ATP10A: variants seen among roughly 807,000 people sequenced by gnomAD.
The protein encoded by ATP10A is ATPase phospholipid transporting 10A (putative).
ATP10A carries 111 observed loss-of-function variants against 147.8 expected under a neutral mutation model. The ratio of observed to expected loss-of-function variants is 0.75; its 90% confidence interval spans 0.64 to 0.88. ATP10A has a LOEUF of 0.88. Ranked by LOEUF, ATP10A falls within the 40% of genes least tolerant of loss-of-function variation. The pLI is 0.00. For missense variants in ATP10A, 1,927 were observed against 1,959.0 expected (o/e 0.98, Z 0.31); for synonymous variants, 875 against 841.6 (o/e 1.04, Z -0.69).
At position 25,690,232 on chromosome 15, in the gene ATP10A, C is replaced by CTTT. The variant is rs67257443; in HGVS notation, c.3165+1480_3165+1482dup. Among the ~76,000 whole-genome samples the CTTT allele has an allele frequency of 6.8e-3, 926 of 137,100 alleles. 13 individuals are homozygous for CTTT. The highest frequency in any genetic ancestry group is 0.024 in the African/African-American group (893 of 36,576). The allele number at this position is 137,100 out of a possible 152,430, so 89.9% of individuals were successfully genotyped here. On this transcript the variant is annotated intron_variant, in intron 15 of 20. Transcript: ENST00000555815. ...CCTACGTTTTCCTTAATTTTTTTTCCTTTTTTTTAAAAAAAAAAAAAAAAA... is the reference window on the plus strand; with the variant it reads ...CCTACGTTTTCCTTAATTTTTTTTCCTTTTTTTTTTTAAAAAAAAAAAAAAAAA...
At chr15:25,789,018 T>C (rs1890293342) in intron 1 of ATP10A, among the ~76,000 whole-genome samples, 1 of 152,154 alleles carries the variant, frequency 6.6e-6, no homozygotes. Flanking sequence ...AGTACAGGGC[T>C]GTGATGATAG....
At chr15:25,805,364 T>A (rs1295537537) in intron 1 of ATP10A, among the ~76,000 whole-genome samples, 1 of 152,230 alleles carries the variant, frequency 6.6e-6, no homozygotes, top group Admixed American at 6.5e-5. Context: ...GCTGCCTTCA[T>A]TGTTGAAAAA....
At chr15:25,746,506 T>TAAAA (rs989686126) in intron 2 of ATP10A, among the ~76,000 whole-genome samples, 3 of 152,202 alleles carry the variant, frequency 2.0e-5, no homozygotes, top group African/African-American at 7.2e-5. Context: ...TGGACACGTA[T>TAAAA]AAAACACTGC....
chr15:25,722,579 G>A (rs4906625), intron 6 of ATP10A, among the ~76,000 whole-genome samples: 134,743 of 152,244 alleles, frequency 0.89, 60,428 homozygotes, highest in East Asian at 0.99. Flanking sequence ...AGAATATCAC[G>A]CACAGACTAA....
At chr15:25,809,805 T>C (rs1891350037) in intron 1 of ATP10A, among the ~76,000 whole-genome samples, 1 of 152,040 alleles carries the variant, frequency 6.6e-6, no homozygotes, top group Non-Finnish European at 1.5e-5. Context: ...ACATGACAGG[T>C]GAGGAAGGGA....
intron 1 of ATP10A, among the ~76,000 whole-genome samples, chr15:25,809,177 G>A (rs1379032113): frequency 2.0e-5 from 3 of 152,154 alleles, no homozygotes; most frequent in South Asian, 2.1e-4. Context: ...CCCAGTGGCC[G>A]CAGATGGGAT....
chr15:25,707,701 C>T (rs1901120185), intron 12 of ATP10A, among the ~76,000 whole-genome samples: 1 of 152,186 alleles, frequency 6.6e-6, no homozygotes, highest in Non-Finnish European at 1.5e-5. Flanking sequence ...AATCTCACTC[C>T]TTGGCTCTAT....
At chr15:25,857,394 C>T (rs932228322) in intron 1 of ATP10A, among the ~76,000 whole-genome samples, 10 of 152,186 alleles carry the variant, frequency 6.6e-5, no homozygotes, top group African/African-American at 2.4e-4. Context: ...CTGCAGTGAA[C>T]CGTGATCATG....
chr15:25,722,383 C>CT (rs2140426581), intron 6 of ATP10A, among the ~76,000 whole-genome samples: 1 of 152,300 alleles, frequency 6.6e-6, no homozygotes, highest in African/African-American at 2.4e-5. Flanking sequence ...AACAGACAGT[C>CT]TTTTTTCAGA....
intron 1 of ATP10A, among the ~76,000 whole-genome samples, chr15:25,828,824 A>G (rs577609351): frequency 2.0e-5 from 3 of 152,220 alleles, no homozygotes; most frequent in Non-Finnish European, 4.4e-5. Context: ...GCTGTGTTTT[A>G]CATGTGCTGT....
intron 3 of ATP10A, 66 bp downstream of exon 3, chr15:25,735,990 G>T: frequency 7.5e-7 from 1 of 1,329,176 alleles, no homozygotes; most frequent in Non-Finnish European, 1.1e-6. Context: ...AACTGAGAAT[G>T]TGTAAACACC....
At chr15:25,809,338 G>A (rs569322717) in intron 1 of ATP10A, among the ~76,000 whole-genome samples, 5 of 152,212 alleles carry the variant, frequency 3.3e-5, no homozygotes, top group Admixed American at 1.3e-4. Context: ...CTTCAGACAC[G>A]GCTTACTGCA....
intron 7 of ATP10A, 33 bp downstream of exon 7, chr15:25,721,624 C>T (rs749535566): frequency 1.3e-6 from 2 of 1,580,974 alleles, no homozygotes; most frequent in Non-Finnish European, 1.7e-6. Flanking sequence ...TCTGGTTCAG[C>T]CTGGGTTGGG....
At chr15:25,845,653 C>T (rs575107247) in intron 1 of ATP10A, among the ~76,000 whole-genome samples, 4 of 152,086 alleles carry the variant, frequency 2.6e-5, no homozygotes, top group Admixed American at 1.3e-4. Flanking sequence ...AGCCAGGGCC[C>T]GACACCTCTC....
At chr15:25,728,405 G>A (rs1209143393) in intron 3 of ATP10A, among the ~76,000 whole-genome samples, 4 of 152,200 alleles carry the variant, frequency 2.6e-5, no homozygotes, top group African/African-American at 7.2e-5. Context: ...TTCAGCCAAC[G>A]CCGTGTCTAC....
chr15:25,688,487 G>A (rs1291133761), intron 15 of ATP10A, among the ~76,000 whole-genome samples: 1 of 152,194 alleles, frequency 6.6e-6, no homozygotes, highest in African/African-American at 2.4e-5. Flanking sequence ...CAAGCAAGGT[G>A]CTTACGCAGT....
intron 2 of ATP10A, among the ~76,000 whole-genome samples, chr15:25,757,857 CCTAA>C (rs199822512): frequency 9.7e-4 from 134 of 137,664 alleles, no homozygotes; most frequent in East Asian, 7.2e-3. Flanking sequence ...CCTGCTCCAC[CCTAA>C]CTCATTCCGA....
intron 2 of ATP10A, among the ~76,000 whole-genome samples, chr15:25,757,865 A>T (rs1474033859): frequency 7.6e-6 from 1 of 131,188 alleles, no homozygotes; most frequent in South Asian, 2.7e-4. Context: ...ACCCTAACTC[A>T]TTCCGACCAC....
At chr15:25,829,387 G>A (rs1157329490) in intron 1 of ATP10A, among the ~76,000 whole-genome samples, 1 of 152,108 alleles carries the variant, frequency 6.6e-6, no homozygotes, top group African/African-American at 2.4e-5. Context: ...AATTAAAATG[G>A]GATACCCAGG....
Sources: gnomAD v4.1 joint callset for allele counts (sites outside exome capture counted in the v4.1 genomes callset) on GRCh38, gnomAD v4.1.1 for gene constraint, MANE v1.5 for transcripts, NCBI Gene and HGNC (gene_info 2026-07-23, HGNC 2026-07-21) for gene names.